GRK7: variants seen among roughly 807,000 people sequenced by gnomAD.
GRK7 encodes the protein rhodopsin kinase GRK7.
Under a neutral mutation model 34.1 loss-of-function variants are expected in GRK7, and 24 were observed. The observed-to-expected ratio is 0.70, with a 90% confidence interval of 0.51 to 0.99. The LOEUF (loss-of-function observed/expected upper bound fraction) is 0.99, where lower values mean the gene tolerates loss of function less well. Ranked by LOEUF, GRK7 falls within the 50% of genes least tolerant of loss-of-function variation. The pLI is 0.00. For synonymous variants in GRK7, 256 were observed against 279.4 expected (o/e 0.92, Z 0.84); for missense variants, 644 against 707.3 (o/e 0.91, Z 1.02).
At chr3:141,815,230 TTTTTG>T (rs1372373483) in intron 5 of GRK7, among the ~76,000 whole-genome samples, 8 of 84,846 alleles carry the variant, frequency 9.4e-5, no homozygotes, top group African/African-American at 3.2e-4. Context: ...TGGTTGGTTT[TTTTTG>T]TTTGTTTGTT....
intron 2 of GRK7, among the ~76,000 whole-genome samples, 198 bp downstream of exon 2, chr3:141,774,878 C>T (rs951565871): frequency 2.0e-5 from 3 of 151,652 alleles, no homozygotes; most frequent in Admixed American, 6.6e-5. Flanking sequence ...CTGCAGCTTC[C>T]GCCTCCTGGG....
chr3:141,754,963 G>A, the GRK7 span, among the ~76,000 whole-genome samples: 2 of 151,972 alleles, frequency 1.3e-5, no homozygotes, highest in African/African-American at 2.4e-5. Flanking sequence ...CACAAATTTG[G>A]ATAGTCCTTA....
At chr3:141,754,238 A>G in the GRK7 span, among the ~76,000 whole-genome samples, 1 of 152,212 alleles carries the variant, frequency 6.6e-6, no homozygotes, top group Non-Finnish European at 1.5e-5. Context: ...GTGCCATCAG[A>G]AACTAGGCTT....
Position 141,769,992 on chromosome 3 carries a change from G to A in GRK7, c.-215+4254G>A, listed in dbSNP as rs147439654. Among the ~76,000 whole-genome samples the A allele has an allele frequency of 6.3e-3, 963 of 152,310 alleles. 12 individuals carry two copies. The highest frequency in any genetic ancestry group is 0.022 in the African/African-American group (903 of 41,564). On this transcript the variant is annotated intron_variant, in intron 1 of 5. Coordinates refer to ENST00000682958, the MANE Select transcript of GRK7 (RefSeq NM_139209.3). ...TGCAGTGGCGCAATCTCGGCCCACT[G>A]CAACCTCTGCCTCCTGGGTTCAAGC...
intron 4 of GRK7, among the ~76,000 whole-genome samples, chr3:141,803,376 A>C (rs1710990690): frequency 6.6e-6 from 1 of 151,898 alleles, no homozygotes; most frequent in Non-Finnish European, 1.5e-5. Context: ...GGCTACAGCG[A>C]GCCAAGATCA....
intron 4 of GRK7, among the ~76,000 whole-genome samples, chr3:141,807,315 T>G (rs4337623): frequency 6.6e-6 from 1 of 151,990 alleles, no homozygotes; most frequent in Non-Finnish European, 1.5e-5. Flanking sequence ...GAACTTTTCA[T>G]CTTAAAGATG....
At position 141,807,720 on chromosome 3, in the gene GRK7, G is replaced by T. The variant is rs1711050274; in HGVS notation, c.1126G>T (p.Ala376Ser). Residue 376 changes from alanine to serine, a missense_variant, in exon 5 of 6, where the codon GCC becomes TCC. Coordinates refer to ENST00000682958, the MANE Select transcript of GRK7 (RefSeq NM_139209.3). ...VSYSYPVDWF[A>S]MGCSIYEMVA... ...TTATTCCTATCCTGTGGACTGGTTT[G>T]CCATGGGATGCAGCATTTATGAAAT... 6.2e-7 allele frequency: 1 copy of T among 1,613,986 alleles called. No homozygotes were observed. The highest frequency in any genetic ancestry group is 1.7e-5 in the Admixed American group (1 of 60,022).
At chr3:141,776,984 A>G (rs1027032835) in intron 2 of GRK7, among the ~76,000 whole-genome samples, 1 of 152,120 alleles carries the variant, frequency 6.6e-6, no homozygotes, top group African/African-American at 2.4e-5. Flanking sequence ...TGTCTTGATG[A>G]GGCCGAGGTC....
At chr3:141,797,015 G>A (rs1407993488) in intron 4 of GRK7, among the ~76,000 whole-genome samples, 1 of 152,256 alleles carries the variant, frequency 6.6e-6, no homozygotes, top group East Asian at 1.9e-4. Context: ...GAGGGGTTGA[G>A]TAAGCGGCTG....
At chr3:141,801,869 T>A (rs1048321040) in intron 4 of GRK7, among the ~76,000 whole-genome samples, 4 of 152,162 alleles carry the variant, frequency 2.6e-5, no homozygotes, top group African/African-American at 9.7e-5. Context: ...GTTTTGTATA[T>A]ATTTGAAGTT....
chr3:141,782,206 G>GTTA (rs1285235870), intron 4 of GRK7, among the ~76,000 whole-genome samples: 45 of 152,260 alleles, frequency 3.0e-4, no homozygotes, highest in African/African-American at 9.9e-4. Context: ...TGGTAGGTGG[G>GTTA]GACATCAGTT....
the GRK7 span, among the ~76,000 whole-genome samples, chr3:141,756,193 T>A: frequency 6.6e-6 from 1 of 151,982 alleles, no homozygotes; most frequent in Admixed American, 6.6e-5. Flanking sequence ...ATGCCTGTGA[T>A]CCTAGCTACT....
Position 141,816,841 on chromosome 3 carries a change from G to T in GRK7, c.1453G>T (p.Glu485Ter). The change falls in exon 6 of 6, where the codon GAA becomes TAA. Residue 485 changes from glutamate (E) to a stop codon, truncating the protein, a stop_gained. Coordinates refer to ENST00000682958, the MANE Select transcript of GRK7 (RefSeq NM_139209.3). LOFTEE classifies it low-confidence loss of function (END_TRUNC). ...PSVVYAKDIA[E>*]IDDFSEVRGV... Reference sequence around the variant, plus strand: ...AGTGGTTTATGCCAAAGACATCGCTGAAATTGATGATTTCTCTGAGGTTCG... The same window carrying T: ...AGTGGTTTATGCCAAAGACATCGCTTAAATTGATGATTTCTCTGAGGTTCG... The T allele has an allele frequency of 6.2e-7, 1 of 1,614,032 alleles. No individual in the cohort carries two copies. Among genetic ancestry groups the T allele is most frequent in the Non-Finnish European group, 8.5e-7 (1 of 1,179,940 alleles).
intron 4 of GRK7, among the ~76,000 whole-genome samples, chr3:141,784,201 C>T (rs905422559): frequency 3.3e-5 from 5 of 152,174 alleles, no homozygotes; most frequent in Admixed American, 2.0e-4. Context: ...CCGGGTGCAG[C>T]TCTCTGGCTC....
At chr3:141,798,283 G>C (rs922656999) in intron 4 of GRK7, among the ~76,000 whole-genome samples, 6 of 152,206 alleles carry the variant, frequency 3.9e-5, no homozygotes, top group African/African-American at 7.2e-5. Context: ...GATGGGGGAG[G>C]GGCACTGGCA....
the GRK7 span, among the ~76,000 whole-genome samples, chr3:141,757,129 C>CTTTTTTTTTTTTTTTTTTTTTTTTTTT: frequency 4.9e-5 from 5 of 101,360 alleles, no homozygotes; most frequent in Non-Finnish European, 5.7e-5. Flanking sequence ...AGATCTTCTT[C>CTTTTTTTTTTTTTTTTTTTTTTTTTTT]TTTTTTTTTT....
In GRK7 at chr3:141,778,527, C is replaced by A. The variant is rs761904077; in HGVS notation, c.243C>A (p.Arg81=). Residue 81 remains arginine (R), a synonymous_variant, in exon 3 of 6, where the codon CGC becomes CGA. Transcript: ENST00000682958. The surrounding 1 kb of genome is among the most constrained non-coding windows in gnomAD (Gnocchi z 4.1). ...TCCTAGCCACAGTGCCCACGTTCCG[C>A]AAGGCGGCAACCTTCCTAGAGGACG... is the stretch of plus-strand genomic sequence containing the variant. The part of the protein sequence containing the change: ...RDFLATVPTF[R]KAATFLEDVQ... 15 of 1,613,386 alleles carry A rather than the reference C, an allele frequency of 9.3e-6. No individual in the cohort carries two copies. The highest frequency in any genetic ancestry group is 3.3e-4 in the Middle Eastern group (2 of 6,062).
chr3:141,760,202 A>T (rs2084549100), upstream of GRK7, among the ~76,000 whole-genome samples: 1 of 144,886 alleles, frequency 6.9e-6, no homozygotes, highest in African/African-American at 2.6e-5. Flanking sequence ...TTTAATTGTG[A>T]TGTTAGGGTG....
At chr3:141,800,663 G>A (rs1229208514) in intron 4 of GRK7, among the ~76,000 whole-genome samples, 2 of 152,142 alleles carry the variant, frequency 1.3e-5, no homozygotes, top group Admixed American at 1.3e-4. Context: ...TTAAAGATAT[G>A]TTAAATACAA....
Sources: gnomAD v4.1 joint callset for allele counts (sites outside exome capture counted in the v4.1 genomes callset) on GRCh38, gnomAD v4.1.1 for gene constraint, Gnocchi (gnomAD v3.1) non-coding constraint, MANE v1.5 for transcripts, NCBI Gene and HGNC (gene_info 2026-07-23, HGNC 2026-07-21) for gene names.